Variants in LIN28B observed in about 807,000 individuals in gnomAD.
LIN28B encodes protein lin-28 homolog B.
A neutral mutation model predicts 21.9 loss-of-function variants in LIN28B; 5 were observed. The ratio of observed to expected loss-of-function variants is 0.23; its 90% CI spans 0.12 to 0.48. LIN28B has a LOEUF of 0.48. Among genes scored for constraint, LIN28B ranks in the 20% least tolerant of loss-of-function variants. LIN28B has a pLI of 0.98. For missense variants in LIN28B, 245 were observed against 310.5 expected (o/e 0.79, Z 1.58); for synonymous variants, 109 against 111.3 (o/e 0.98, Z 0.13).
intron 2 of LIN28B, among the ~76,000 whole-genome samples, chr6:104,943,559 G>C (rs1304592357): frequency 6.6e-6 from 1 of 152,108 alleles, no homozygotes; most frequent in Non-Finnish European, 1.5e-5. Flanking sequence ...GGCATACAGG[G>C]ATGAATCAAT....
rs527359300 is a variant in LIN28B, at chr6:105,076,162, A to G, written c.384-2252A>G. Among the ~76,000 whole-genome samples, 3 of 152,326 alleles carry G rather than the reference A, an allele frequency of 2.0e-5. No individual in the cohort carries two copies. In the South Asian group the frequency reaches 6.2e-4, roughly 32 times the overall value. ...ATGGCTGAAACAATATTGAATCTGC[A>G]CTGTAATACTTTATTAAGATATGTA... is the stretch of plus-strand genomic sequence containing the variant. On this transcript the variant is annotated intron_variant, in intron 3 of 3. Coordinates refer to ENST00000345080, the MANE Select transcript of LIN28B (RefSeq NM_001004317.4).
At chr6:105,062,444 C>T (rs1005656383) in intron 3 of LIN28B, among the ~76,000 whole-genome samples, 1 of 152,138 alleles carries the variant, frequency 6.6e-6, no homozygotes, top group African/African-American at 2.4e-5. Context: ...TACCATTTGA[C>T]CCCAATGGAC....
rs1340077403 is a variant in LIN28B at position 105,082,670 on chromosome 6, T to G, written c.*3887T>G. ...CTGTCTTACATAGCTGTCAACAGCC[T>G]CTTTAAGATGTGGTGGTTGTATGAT... On this transcript the variant is annotated 3_prime_UTR_variant, in exon 4 of 4. Coordinates refer to ENST00000345080, the MANE Select transcript of LIN28B (RefSeq NM_001004317.4). 1.3e-5 allele frequency: 2 copies of G among 152,658 alleles called. No individual in the cohort carries two copies. The highest frequency in any genetic ancestry group is 3.8e-4 in the East Asian group (2 of 5,200). 9.5% of individuals were successfully genotyped at this position (152,658 alleles called of 1,614,324 possible). A position where few individuals can be genotyped will look rare whatever the true frequency, so the allele number is the denominator to read the frequency against.
intron 3 of LIN28B, among the ~76,000 whole-genome samples, chr6:105,046,670 C>T (rs1319103100): frequency 2.6e-5 from 4 of 152,126 alleles, no homozygotes; most frequent in Non-Finnish European, 5.9e-5. Flanking sequence ...ACATCCTCTC[C>T]AGCACCTGTT....
At chr6:105,046,165 C>T (rs954501844) in intron 3 of LIN28B, among the ~76,000 whole-genome samples, 1 of 152,108 alleles carries the variant, frequency 6.6e-6, no homozygotes, top group Admixed American at 6.6e-5. Context: ...ATCCGTCCCC[C>T]CTCCCTCCAC....
chr6:104,948,795 T>C lies in LIN28B; in HGVS notation c.19-1666T>C, dbSNP rs201193193. 3.9e-5 allele frequency among the ~76,000 whole-genome samples: 6 copies of C among 152,352 alleles called. No homozygotes were observed. The East Asian group carries it at 1.2e-3, about 29-fold the overall frequency. Reference sequence around the variant, plus strand: ...ACATTAATTGTGAAATAATTTCATGTTACTTTTCCTTTGAAGCGGACATTA... The same window carrying C: ...ACATTAATTGTGAAATAATTTCATGCTACTTTTCCTTTGAAGCGGACATTA... On this transcript the variant is annotated intron_variant, in intron 2 of 5. Transcript: ENST00000635857.
chr6:105,009,518 A>G (rs1255948797), intron 2 of LIN28B, among the ~76,000 whole-genome samples: 1 of 152,112 alleles, frequency 6.6e-6, no homozygotes, highest in Middle Eastern at 3.2e-3. Context: ...GAATTTTCCT[A>G]TTACCTGTAC....
At chr6:104,975,028 CA>C (rs1770058949) in intron 2 of LIN28B, among the ~76,000 whole-genome samples, 1 of 152,082 alleles carries the variant, frequency 6.6e-6, no homozygotes, top group Admixed American at 6.6e-5. Flanking sequence ...CCATGTTGGC[CA>C]GGCTGGTCTT....
chr6:105,007,531 CTT>C (rs781241068), intron 2 of LIN28B, among the ~76,000 whole-genome samples: 5 of 143,688 alleles, frequency 3.5e-5, no homozygotes, highest in African/African-American at 7.6e-5. Context: ...AAATATATCT[CTT>C]TTTTTTTTTT....
intron 2 of LIN28B, among the ~76,000 whole-genome samples, chr6:104,941,607 C>G (rs1447714455): frequency 6.6e-6 from 1 of 151,758 alleles, no homozygotes; most frequent in African/African-American, 2.4e-5. Context: ...CTCCCTTTCG[C>G]GCTCCGCAAG....
intron 2 of LIN28B, among the ~76,000 whole-genome samples, chr6:104,967,596 A>AG (rs1562075238): frequency 6.7e-6 from 1 of 149,156 alleles, no homozygotes; most frequent in African/African-American, 2.4e-5. Context: ...AAAAAAAAAA[A>AG]AAAGAAAGAA....
Position 104,993,180 on chromosome 6 carries a change from T to C in LIN28B, c.199-33118T>C, listed in dbSNP as rs1449755964. Among the ~76,000 whole-genome samples, 3 of 152,184 alleles carry C rather than the reference T, an allele frequency of 2.0e-5. No individual in the cohort carries two copies. The East Asian group carries it at 5.8e-4, about 29-fold the overall frequency. On this transcript the variant is annotated intron_variant, in intron 2 of 3. Transcript: ENST00000345080. ...TATATTAATATTATTAAGACTAGTT[T>C]TGCTGTTGGGGCCCAGCATGGTGAC...
intron 2 of LIN28B, among the ~76,000 whole-genome samples, chr6:104,975,585 G>A (rs771757421): frequency 6.6e-6 from 1 of 152,126 alleles, no homozygotes; most frequent in African/African-American, 2.4e-5. Context: ...TTTTGATATA[G>A]TGACAACACA....
rs1733235673 is a variant in LIN28B, at chr6:105,083,170, C to CG, written c.*4388dup. ...GTAGATGTTTGGAATGCGTTTCACT[C>CG]GCATGCAGTCATCTGGAGGGACTGA... On this transcript the variant is annotated 3_prime_UTR_variant, in exon 4 of 4. Coordinates refer to ENST00000345080, the MANE Select transcript of LIN28B (RefSeq NM_001004317.4). The CG allele has an allele frequency of 6.6e-6, 1 of 152,588 alleles. No individual in the cohort carries two copies. Among genetic ancestry groups the CG allele is most frequent in the Admixed American group, 6.5e-5 (1 of 15,280 alleles). The allele number at this position is 152,588 out of a possible 1,614,324, so 9.5% of individuals were successfully genotyped here. A position where few individuals can be genotyped will look rare whatever the true frequency, so the allele number is the denominator to read the frequency against.
chr6:105,064,092 C>T (rs187428277), intron 3 of LIN28B, among the ~76,000 whole-genome samples: 3 of 152,132 alleles, frequency 2.0e-5, no homozygotes, highest in East Asian at 3.9e-4. Context: ...CCTAAAAGTG[C>T]TTATAAATGT....
At chr6:105,002,954 C>G (rs538489290) in intron 2 of LIN28B, among the ~76,000 whole-genome samples, 34 of 152,190 alleles carry the variant, frequency 2.2e-4, no homozygotes, top group Non-Finnish European at 4.1e-4. Context: ...ACCTTAAAGA[C>G]AGGAAACATG....
intron 3 of LIN28B, among the ~76,000 whole-genome samples, chr6:104,951,752 C>T (rs1562560572): frequency 2.0e-5 from 3 of 152,156 alleles, no homozygotes; most frequent in African/African-American, 7.2e-5. Flanking sequence ...AGTTAAAAGA[C>T]TTTGAATATT....
chr6:104,945,544 CTTAAAG>C (rs1778146814), intron 2 of LIN28B, among the ~76,000 whole-genome samples: 1 of 152,016 alleles, frequency 6.6e-6, no homozygotes, highest in African/African-American at 2.4e-5. Flanking sequence ...AAAGTTTTGT[CTTAAAG>C]TTATGGTGGG....
At chr6:104,996,850 G>A (rs1489861753) in intron 2 of LIN28B, among the ~76,000 whole-genome samples, 1 of 152,166 alleles carries the variant, frequency 6.6e-6, no homozygotes, top group East Asian at 1.9e-4. Flanking sequence ...AGGTAAGGGG[G>A]CATGCACCCG....
Sources: allele counts gnomAD v4.1 joint callset (sites outside exome capture counted in the v4.1 genomes callset), GRCh38; gene constraint gnomAD v4.1.1; transcripts MANE v1.5; gene names NCBI Gene and HGNC (gene_info 2026-07-23, HGNC 2026-07-21).